Variants in CASZ1 observed in about 807,000 individuals in gnomAD.
CASZ1 encodes zinc finger protein castor homolog 1.
In CASZ1, 28 loss-of-function variants were observed where a neutral mutation model predicts 135.2. The observed-to-expected ratio is 0.21, with a 90% CI of 0.15 to 0.28. The LOEUF is 0.28. CASZ1 is among the 10% of genes least tolerant of loss of function. The pLI is 1.00. For synonymous variants in CASZ1, 1,068 were observed against 1,073.4 expected (o/e 0.99, Z 0.10); for missense variants, 2,161 against 2,453.3 (o/e 0.88, Z 2.52).
intron 2 of CASZ1, among the ~76,000 whole-genome samples, chr1:10,750,298 C>T (rs538254963): frequency 6.6e-5 from 10 of 152,212 alleles, no homozygotes; most frequent in East Asian, 1.9e-4. Context: ...TTTTAAGAGA[C>T]GGGGTCTTGC....
At chr1:10,729,582 A>G (rs1639666019) in intron 2 of CASZ1, among the ~76,000 whole-genome samples, 1 of 152,192 alleles carries the variant, frequency 6.6e-6, no homozygotes, top group Admixed American at 6.5e-5. Context: ...CAGTTCGCAA[A>G]GCGTGGTCCG....
rs1292278933 is a variant in CASZ1, at chr1:10,700,338, C to A, written c.-24+5154G>T. On this transcript the variant is annotated intron_variant, in intron 3 of 20. Coordinates refer to ENST00000377022, the MANE Select transcript of CASZ1 (RefSeq NM_001079843.3). The surrounding 1 kb of genome is among the most constrained non-coding windows in gnomAD (Gnocchi z 4.2). ...ACCCTGTTGCTGCTGGTTCCTGCTC[C>A]AAGCCTCCCTTCTAGGAGCAGGGCT... Among the ~76,000 whole-genome samples the A allele has an allele frequency of 1.3e-5, 2 of 152,232 alleles. No individual in the cohort carries two copies. Among genetic ancestry groups the A allele is most frequent in the African/African-American group, 4.8e-5 (2 of 41,458 alleles).
chr1:10,736,916 C>A (rs577486899), intron 2 of CASZ1, among the ~76,000 whole-genome samples: 1 of 152,178 alleles, frequency 6.6e-6, no homozygotes. Flanking sequence ...CTCCTGGGGC[C>A]GTGGGCTGGG....
intron 3 of CASZ1, among the ~76,000 whole-genome samples, chr1:10,705,142 A>G (rs756423433): frequency 1.0e-3 from 152 of 152,346 alleles, no homozygotes; most frequent in Non-Finnish European, 1.6e-3. Flanking sequence ...CACGGAGGCA[A>G]TAGCACTGTG....
At chr1:10,662,447 C>T (rs59985166) in intron 5 of CASZ1, among the ~76,000 whole-genome samples, 7,461 of 152,064 alleles carry the variant, frequency 0.049, 282 homozygotes, top group South Asian at 0.12. Context: ...TACACACTCT[C>T]ACCCGCACAT....
At chr1:10,736,464 C>T (rs1284532784) in intron 2 of CASZ1, among the ~76,000 whole-genome samples, 2 of 152,198 alleles carry the variant, frequency 1.3e-5, no homozygotes, top group Non-Finnish European at 2.9e-5. Flanking sequence ...TGGAGCCGGG[C>T]TTGTTGTTTT....
In CASZ1 at chr1:10,788,009, C is replaced by T. The variant is rs1482751474; in HGVS notation, c.-234+8555G>A. 6.6e-6 allele frequency among the ~76,000 whole-genome samples: 1 copy of T among 152,176 alleles called. No individual in the cohort carries two copies. The highest frequency in any genetic ancestry group is 2.4e-5 in the African/African-American group (1 of 41,428). On this transcript the variant is annotated intron_variant, in intron 1 of 20. Coordinates refer to ENST00000377022, the MANE Select transcript of CASZ1 (RefSeq NM_001079843.3). This position sits in a 1 kb window ranked among gnomAD's most constrained non-coding sequence, Gnocchi z 4.1. ...TGCTATTCTCCATGCTGACATCTCT[C>T]CACAGAGCAAACTATCCAAGGTTCA... is the stretch of plus-strand genomic sequence containing the variant.
At chr1:10,764,693 C>A (rs1640441058) in intron 1 of CASZ1, among the ~76,000 whole-genome samples, 1 of 152,216 alleles carries the variant, frequency 6.6e-6, no homozygotes, top group South Asian at 2.1e-4. Context: ...CAGCCACCCA[C>A]AACTGATGCT....
Position 10,725,028 on chromosome 1 carries a change from G to A in CASZ1, c.-76-19484C>T, listed in dbSNP as rs941232355. ...GTAATTGGGACCACATGTTGGCCGG[G>A]AGGGAGCCCACAGAGGACGGAGGGA... On this transcript the variant is annotated intron_variant, in intron 2 of 20. Transcript: ENST00000377022. This position sits in a 1 kb window ranked among gnomAD's most constrained non-coding sequence, Gnocchi z 4.4. Among the ~76,000 whole-genome samples the A allele has an allele frequency of 6.6e-6, 1 of 152,244 alleles. No individual in the cohort carries two copies. Among genetic ancestry groups the A allele is most frequent in the Non-Finnish European group, 1.5e-5 (1 of 68,036 alleles).
At chr1:10,693,162 G>A (rs1388966163) in intron 4 of CASZ1, among the ~76,000 whole-genome samples, 3 of 152,124 alleles carry the variant, frequency 2.0e-5, no homozygotes, top group Admixed American at 6.5e-5. Context: ...AGATGCCTAC[G>A]TTGAGTAGTC....
At chr1:10,781,818 C>G (rs1640767772) in intron 1 of CASZ1, among the ~76,000 whole-genome samples, 1 of 152,188 alleles carries the variant, frequency 6.6e-6, no homozygotes, top group Non-Finnish European at 1.5e-5. Context: ...GTGATAGGTG[C>G]TATCGTGAAC....
At chr1:10,723,044 G>A (rs987242170) in intron 2 of CASZ1, among the ~76,000 whole-genome samples, 1 of 152,242 alleles carries the variant, frequency 6.6e-6, no homozygotes, top group Non-Finnish European at 1.5e-5. Flanking sequence ...GGGTGTGCGT[G>A]GGTGCAGACG....
At chr1:10,648,447 A>C (rs565285666) in intron 15 of CASZ1, 2 of 340,730 alleles carry the variant, frequency 5.9e-6, no homozygotes, top group Non-Finnish European at 1.1e-5. Flanking sequence ...TCTTCCTTCC[A>C]GAACCTGCTC....
At chr1:10,652,148 G>C (rs2100212712) in intron 11 of CASZ1, 1 of 152,414 alleles carries the variant, frequency 6.6e-6, no homozygotes, top group East Asian at 1.9e-4. Context: ...AAACGGCCCA[G>C]CTCCCCTGCC....
chr1:10,743,111 T>G (rs921489183), intron 2 of CASZ1, among the ~76,000 whole-genome samples: 1 of 151,818 alleles, frequency 6.6e-6, no homozygotes, highest in Non-Finnish European at 1.5e-5. Context: ...TTTCCCCAAA[T>G]AGGAGTCCCT....
At chr1:10,684,237 C>T (rs911228052) in intron 4 of CASZ1, among the ~76,000 whole-genome samples, 2 of 151,326 alleles carry the variant, frequency 1.3e-5, no homozygotes, top group African/African-American at 4.9e-5. Flanking sequence ...CCAGAAGCCC[C>T]GTCTGGACTG....
chr1:10,713,012 G>A lies in CASZ1; in HGVS notation c.-76-7468C>T, dbSNP rs554933631. On this transcript the variant is annotated intron_variant, in intron 2 of 20. Coordinates refer to ENST00000377022, the MANE Select transcript of CASZ1 (RefSeq NM_001079843.3). ...ACCAGGGAGCCAGGCTCGTGGGGCA[G>A]CCCCCTCAAGCTCCTGCCCCCGCCC... 1.5e-3 allele frequency among the ~76,000 whole-genome samples: 222 copies of A among 152,358 alleles called. 3 individuals are homozygous for A. In the South Asian group the frequency reaches 0.018, roughly 13 times the overall value.
chr1:10,664,684 C>T (rs541169156), intron 5 of CASZ1, among the ~76,000 whole-genome samples: 3 of 152,148 alleles, frequency 2.0e-5, no homozygotes, highest in Admixed American at 6.5e-5. Context: ...TTGACCGCTG[C>T]GCCCCTCTTG....
rs753650111 is a variant in CASZ1 at position 10,636,905 on chromosome 1, C to T, written c.*2037G>A. ...ATATATACACACACATATGTGCATA[C>T]ATATTATTTGATATTTATATATATA... is the stretch of plus-strand genomic sequence containing the variant. On this transcript the variant is annotated 3_prime_UTR_variant, in exon 21 of 21. Transcript: ENST00000377022. 7 of 151,838 alleles carry T rather than the reference C, an allele frequency of 4.6e-5. No individual in the cohort carries two copies. Among genetic ancestry groups the T allele is most frequent in the African/African-American group, 1.7e-4 (7 of 41,286 alleles). 9.4% of individuals were successfully genotyped at this position (151,838 alleles called of 1,614,324 possible).
Sources: gnomAD v4.1 joint callset for allele counts (sites outside exome capture counted in the v4.1 genomes callset) on GRCh38, gnomAD v4.1.1 for gene constraint, Gnocchi (gnomAD v3.1) non-coding constraint, MANE v1.5 for transcripts, NCBI Gene and HGNC (gene_info 2026-07-23, HGNC 2026-07-21) for gene names.